The following PXDNL variants were observed in gnomAD, a reference collection of about 807,000 sequenced individuals.
The protein encoded by PXDNL is probable oxidoreductase PXDNL.
Under a neutral mutation model 150.8 loss-of-function variants are expected in PXDNL, and 145 were observed. The observed-to-expected ratio is 0.96, with a 90% CI of 0.84 to 1.10. The LOEUF (loss-of-function observed/expected upper bound fraction) is 1.10. Ranked by LOEUF, PXDNL falls within the 50% of genes least tolerant of loss-of-function variation. The pLI is 0.00. For missense variants in PXDNL, 2,087 were observed against 1,873.9 expected (o/e 1.11, Z -2.10); for synonymous variants, 757 against 725.7 (o/e 1.04, Z -0.69).
intron 1 of PXDNL, among the ~76,000 whole-genome samples, chr8:51,668,176 C>CTCTTTTTTTTTTTTTTTTTTT (rs1554564343): frequency 1.3e-5 from 1 of 77,386 alleles, no homozygotes; most frequent in African/African-American, 5.4e-5. Flanking sequence ...CTCGCTCTCT[C>CTCTTTTTTTTTTTTTTTTTTT]TTTTTTTTTT....
chr8:51,329,472 T>C (rs1322693937), intron 21 of PXDNL, among the ~76,000 whole-genome samples: 1 of 152,126 alleles, frequency 6.6e-6, no homozygotes. Context: ...ACATCATGTA[T>C]GGCTTTAAAC....
intron 3 of PXDNL, among the ~76,000 whole-genome samples, chr8:51,581,741 T>C (rs1469129954): frequency 6.6e-6 from 1 of 152,092 alleles, no homozygotes; most frequent in African/African-American, 2.4e-5. Context: ...ATAAAAGCAG[T>C]TTGGAAGTAT....
intron 1 of PXDNL, among the ~76,000 whole-genome samples, chr8:51,692,608 G>T (rs534010222): frequency 1.3e-5 from 2 of 152,270 alleles, no homozygotes; most frequent in East Asian, 3.9e-4. Context: ...TAACCCAAGA[G>T]AAAATCAAGG....
chr8:51,748,508 G>A (rs771996914), intron 1 of PXDNL, among the ~76,000 whole-genome samples: 5 of 152,192 alleles, frequency 3.3e-5, no homozygotes, highest in Non-Finnish European at 4.4e-5. Flanking sequence ...ACTGCATTCC[G>A]ACAGGACACC....
intron 17 of PXDNL, among the ~76,000 whole-genome samples, chr8:51,394,624 G>A (rs1282403675): frequency 6.6e-6 from 1 of 152,158 alleles, no homozygotes; most frequent in Non-Finnish European, 1.5e-5. Context: ...GGGACATAGG[G>A]AATGTTAAGT....
chr8:51,585,967 T>C (rs1036784252), intron 3 of PXDNL, among the ~76,000 whole-genome samples: 4 of 152,106 alleles, frequency 2.6e-5, no homozygotes, highest in African/African-American at 7.2e-5. Context: ...GATTGCAACC[T>C]GTACCTCAAC....
At chr8:51,776,578 G>T (rs768754293) in intron 1 of PXDNL, among the ~76,000 whole-genome samples, 14 of 152,056 alleles carry the variant, frequency 9.2e-5, no homozygotes, top group South Asian at 2.1e-4. Flanking sequence ...CCTTATACAG[G>T]CTCCTCTAAC....
intron 2 of PXDNL, among the ~76,000 whole-genome samples, chr8:51,640,976 C>A (rs1174657466): frequency 2.0e-5 from 3 of 152,056 alleles, no homozygotes; most frequent in African/African-American, 4.8e-5. Context: ...TACAGTAACC[C>A]AAACAGCATG....
intron 2 of PXDNL, among the ~76,000 whole-genome samples, chr8:51,647,948 A>G (rs1814955977): frequency 6.6e-6 from 1 of 152,142 alleles, no homozygotes; most frequent in Non-Finnish European, 1.5e-5. Flanking sequence ...AAGCACTGTA[A>G]AATATTGAAT....
At chr8:51,586,310 G>A (rs1043308396) in intron 3 of PXDNL, among the ~76,000 whole-genome samples, 3 of 152,108 alleles carry the variant, frequency 2.0e-5, no homozygotes, top group Non-Finnish European at 2.9e-5. Context: ...CTGAGAAATT[G>A]CCAGCTATGT....
intron 16 of PXDNL, among the ~76,000 whole-genome samples, chr8:51,409,828 A>C (rs2130893156): frequency 6.6e-6 from 1 of 152,316 alleles, no homozygotes; most frequent in Non-Finnish European, 1.5e-5. Context: ...GCAAAATGGA[A>C]GGAGAGCAGA....
intron 19 of PXDNL, among the ~76,000 whole-genome samples, chr8:51,363,437 C>G (rs541807782): frequency 6.6e-6 from 1 of 152,282 alleles, no homozygotes; most frequent in East Asian, 1.9e-4. Flanking sequence ...CAATTCCTGT[C>G]TCTCTTAAGG....
intron 19 of PXDNL, among the ~76,000 whole-genome samples, chr8:51,350,185 T>C (rs548128095): frequency 6.6e-6 from 1 of 151,986 alleles, no homozygotes; most frequent in South Asian, 2.1e-4. Flanking sequence ...TCGCCCAAGA[T>C]AGGGTCTCTG....
Position 51,730,039 on chromosome 8 carries a change from T to C in PXDNL, c.165-75279A>G, listed in dbSNP as rs72642962. On this transcript the variant is annotated intron_variant, in intron 1 of 22. Coordinates refer to ENST00000356297, the MANE Select transcript of PXDNL (RefSeq NM_144651.5). ...GCAGGGAAACTATTCTGTATGATAG[T>C]ATAATGGTGAATATATGCCATTACA... 1.8e-3 allele frequency among the ~76,000 whole-genome samples: 280 copies of C among 152,318 alleles called. 1 individual carries two copies. The highest frequency in any genetic ancestry group is 3.4e-3 in the Non-Finnish European group (231 of 68,020).
intron 1 of PXDNL, among the ~76,000 whole-genome samples, chr8:51,770,819 C>G: frequency 6.6e-6 from 1 of 152,168 alleles, no homozygotes; most frequent in South Asian, 2.1e-4. Context: ...GGTGCCCGCT[C>G]TCAATGATGG....
At chr8:51,347,698 C>T (rs1806200999) in intron 19 of PXDNL, among the ~76,000 whole-genome samples, 1 of 148,440 alleles carries the variant, frequency 6.7e-6, no homozygotes, top group South Asian at 2.1e-4. Flanking sequence ...ATGCCTCGGC[C>T]TCCCAAAGTG....
chr8:51,685,956 T>C (rs912237593), intron 1 of PXDNL, among the ~76,000 whole-genome samples: 2 of 152,236 alleles, frequency 1.3e-5, no homozygotes, highest in Non-Finnish European at 2.9e-5. Context: ...ATAAGTAACA[T>C]GATATATTTT....
At chr8:51,436,013 G>T in intron 12 of PXDNL, 2 of 528,718 alleles carry the variant, frequency 3.8e-6, no homozygotes, top group South Asian at 1.4e-5. Context: ...TCACCTCATG[G>T]ACCATCTGCT....
intron 1 of PXDNL, among the ~76,000 whole-genome samples, chr8:51,746,380 A>G (rs1284275617): frequency 6.6e-6 from 1 of 152,186 alleles, no homozygotes; most frequent in East Asian, 1.9e-4. Flanking sequence ...AGCCCAAAGG[A>G]CACTGATAAC....
Sources: allele counts gnomAD v4.1 joint callset (sites outside exome capture counted in the v4.1 genomes callset), GRCh38; gene constraint gnomAD v4.1.1; transcripts MANE v1.5; gene names NCBI Gene and HGNC (gene_info 2026-07-23, HGNC 2026-07-21).